STAC: variants seen among roughly 807,000 people sequenced by gnomAD.
The protein encoded by STAC is SH3 and cysteine rich domain.
In STAC, 43 loss-of-function variants were observed where a neutral mutation model predicts 48.8. That is an observed-to-expected ratio of 0.88 (90% CI 0.69 to 1.14). The LOEUF (loss-of-function observed/expected upper bound fraction) is 1.14. Ranked by LOEUF, STAC falls within the 50% of genes most tolerant of loss-of-function variation. STAC has a pLI of 0.00. For synonymous variants in STAC, 193 were observed against 179.5 expected, an observed-to-expected ratio of 1.07 and a Z score of -0.60; for missense variants, 497 against 504.0, an observed-to-expected ratio of 0.99 and a Z score of 0.13.
At chr3:36,450,342 T>C (rs1348709865) in intron 2 of STAC, among the ~76,000 whole-genome samples, 1 of 152,210 alleles carries the variant, frequency 6.6e-6, no homozygotes, top group Non-Finnish European at 1.5e-5. Flanking sequence ...CTGATTTTTC[T>C]AAAAGTCACT....
intron 1 of STAC, among the ~76,000 whole-genome samples, chr3:36,442,571 A>G (rs1696377377): frequency 6.6e-6 from 1 of 152,166 alleles, no homozygotes; most frequent in African/African-American, 2.4e-5. Context: ...GATTAAACTC[A>G]AACCCAGTCC....
rs1233383293 is a variant in STAC, at chr3:36,487,735, T to A, written c.687+1486T>A. ...CATACACGTGTTAAGGATATTATAA[T>A]GACTGTGTCATATGAGTACTGAAGC... On this transcript the variant is annotated intron_variant, in intron 5 of 10. Transcript: ENST00000273183. 2.6e-5 allele frequency among the ~76,000 whole-genome samples: 4 copies of A among 152,334 alleles called. No homozygotes were observed. The South Asian group carries it at 8.3e-4, about 32-fold the overall frequency.
intron 7 of STAC, 70 bp downstream of exon 7, chr3:36,504,527 G>A (rs1188814180): frequency 3.9e-5 from 54 of 1,393,448 alleles, no homozygotes; most frequent in Non-Finnish European, 5.0e-5. Flanking sequence ...CACCATCCAA[G>A]TGGGTCATGA....
At chr3:36,513,115 GT>G (rs1262744426) in intron 8 of STAC, among the ~76,000 whole-genome samples, 1 of 152,140 alleles carries the variant, frequency 6.6e-6, no homozygotes, top group East Asian at 1.9e-4. Flanking sequence ...AAAGACAGCA[GT>G]TGTCAATCAG....
chr3:36,486,272 G>A (rs775842003), intron 5 of STAC, 23 bp downstream of exon 5: 29 of 1,604,164 alleles, frequency 1.8e-5, no homozygotes, highest in East Asian at 2.2e-5. Context: ...TTCCTTCCTC[G>A]GTTTGTCTGT....
At chr3:36,530,253 C>T (rs1180059462) in intron 10 of STAC, among the ~76,000 whole-genome samples, 1 of 152,130 alleles carries the variant, frequency 6.6e-6, no homozygotes, top group Non-Finnish European at 1.5e-5. Flanking sequence ...TATTATTTCC[C>T]AAGGTAATGA....
In STAC at chr3:36,380,669, A is replaced by C. The variant is rs1467867790; in HGVS notation, c.26A>C (p.Glu9Ala). 6 of 1,604,528 alleles carry C rather than the reference A, an allele frequency of 3.7e-6. No homozygotes were observed. The highest frequency in any genetic ancestry group is 3.4e-6 in the Non-Finnish European group (4 of 1,176,082). MIPPSSPR[E>A]DGVDGLPKEA... is the part of the protein sequence containing the mutation. ...ATGATCCCTCCGAGCAGCCCCCGCG[A>C]GGACGGCGTGGACGGGCTGCCCAAG... Residue 9 changes from glutamate to alanine, a missense_variant, in exon 1 of 11, where the codon GAG becomes GCG. Transcript: ENST00000273183.
chr3:36,410,699 C>T (rs1348482861), intron 1 of STAC, among the ~76,000 whole-genome samples: 5 of 152,222 alleles, frequency 3.3e-5, no homozygotes, highest in Admixed American at 6.5e-5. Context: ...ACCAAACACA[C>T]ACACCCATAT....
chr3:36,446,007 G>T (rs1184054397), intron 2 of STAC, among the ~76,000 whole-genome samples: 1 of 152,134 alleles, frequency 6.6e-6, no homozygotes, highest in East Asian at 1.9e-4. Context: ...TAAGATCCCT[G>T]ATCAATAAAA....
intron 8 of STAC, among the ~76,000 whole-genome samples, chr3:36,510,922 G>A (rs1173132019): frequency 3.3e-5 from 5 of 151,666 alleles, no homozygotes; most frequent in Admixed American, 6.6e-5. Context: ...AAACCTGCAC[G>A]TTCTGCACAT....
At chr3:36,512,026 G>T (rs1294250440) in intron 8 of STAC, among the ~76,000 whole-genome samples, 1 of 152,138 alleles carries the variant, frequency 6.6e-6, no homozygotes, top group Non-Finnish European at 1.5e-5. Context: ...CTTTGTTTCA[G>T]AATTAGGTTG....
intron 6 of STAC, among the ~76,000 whole-genome samples, chr3:36,494,643 G>GC (rs1170062123): frequency 1.3e-5 from 2 of 152,102 alleles, no homozygotes; most frequent in African/African-American, 2.4e-5. Flanking sequence ...TGTTCACCAT[G>GC]CCCCCCCTTG....
intron 2 of STAC, among the ~76,000 whole-genome samples, chr3:36,444,026 A>G (rs940645056): frequency 1.1e-4 from 16 of 152,192 alleles, no homozygotes; most frequent in Admixed American, 2.0e-4. Flanking sequence ...GATGTCTGTC[A>G]TATGTGCATG....
intron 1 of STAC, among the ~76,000 whole-genome samples, chr3:36,413,835 A>G (rs142794887): frequency 0.023 from 3,529 of 152,100 alleles, 58 homozygotes; most frequent in East Asian, 0.026. Context: ...TCCATGTTTA[A>G]TGCTTCCTTC....
chr3:36,528,857 C>G lies in STAC; in HGVS notation c.982C>G (p.Gln328Glu). The change falls in exon 10 of 11, where the codon CAA (glutamine) becomes GAA (glutamate). Residue 328 changes from glutamine (Q) to glutamate (E), a missense_variant. By Grantham distance (29) the Gln-to-Glu change is conservative. Transcript: ENST00000273183. ...SNEDWWKGKI[Q>E]DRIGFFPANF... is the part of the protein sequence containing the mutation. ...TCCTTTTTCCTTTCAGGGGAAAATT[C>G]AAGACAGAATTGGCTTCTTTCCAGC... The G allele has an allele frequency of 6.2e-7, 1 of 1,612,600 alleles. No individual in the cohort carries two copies. Among genetic ancestry groups the G allele is most frequent in the Non-Finnish European group, 8.5e-7 (1 of 1,179,260 alleles).
chr3:36,515,279 G>C (rs1698643310), intron 8 of STAC, among the ~76,000 whole-genome samples: 1 of 152,084 alleles, frequency 6.6e-6, no homozygotes, highest in African/African-American at 2.4e-5. Context: ...CTTTACTGAA[G>C]CTCTCACAGC....
chr3:36,519,330 C>G (rs1341313555), intron 8 of STAC, among the ~76,000 whole-genome samples: 2 of 152,160 alleles, frequency 1.3e-5, no homozygotes, highest in Non-Finnish European at 2.9e-5. Context: ...AGCTCATATT[C>G]CAGTGAGAAA....
At chr3:36,424,113 G>A (rs1325646200) in intron 1 of STAC, among the ~76,000 whole-genome samples, 1 of 152,118 alleles carries the variant, frequency 6.6e-6, no homozygotes, top group Non-Finnish European at 1.5e-5. Flanking sequence ...TAGCTGATAA[G>A]TATTTGTGGA....
At chr3:36,528,278 G>A (rs190043116) in intron 8 of STAC, among the ~76,000 whole-genome samples, 1 of 152,178 alleles carries the variant, frequency 6.6e-6, no homozygotes, top group Non-Finnish European at 1.5e-5. Flanking sequence ...AGACCATCCT[G>A]GCCAACATGG....
Sources: allele counts gnomAD v4.1 joint callset (sites outside exome capture counted in the v4.1 genomes callset), GRCh38; gene constraint gnomAD v4.1.1; transcripts MANE v1.5; gene names NCBI Gene and HGNC (gene_info 2026-07-23, HGNC 2026-07-21).